The following LAMB4 variants were observed in gnomAD, a reference collection of about 807,000 sequenced individuals.
LAMB4 encodes laminin subunit beta 4.
In LAMB4, 196 loss-of-function variants were observed where a neutral mutation model predicts 199.2. That is an observed-to-expected ratio of 0.98 (90% CI 0.88 to 1.11). The LOEUF is 1.11. Among genes scored for constraint, LAMB4 ranks in the 50% least tolerant of loss-of-function variants. The pLI is 0.00. For synonymous variants in LAMB4, 744 were observed against 770.6 expected (o/e 0.97, Z 0.57); for missense variants, 2,080 against 2,171.2 (o/e 0.96, Z 0.83).
chr7:108,034,427 C>T, intron 30 of LAMB4, 81 bp from the exon 31 acceptor site: 1 of 1,047,338 alleles, frequency 9.5e-7, no homozygotes. Context: ...TCATTTGACT[C>T]AACCAAATAC....
intron 4 of LAMB4, 21 bp downstream of exon 4, chr7:108,111,790 G>T (rs1317822071): frequency 6.2e-7 from 1 of 1,603,628 alleles, no homozygotes; most frequent in Non-Finnish European, 8.5e-7. Context: ...ATAAACAACT[G>T]GAAAGGAACT....
chr7:108,032,595 C>A (rs1046698121), intron 31 of LAMB4, among the ~76,000 whole-genome samples: 2 of 151,948 alleles, frequency 1.3e-5, no homozygotes, highest in African/African-American at 4.8e-5. Context: ...AAATTCTAGC[C>A]CCAAAATTGT....
Position 108,066,637 on chromosome 7 carries a change from T to A in LAMB4, c.2447-37A>T, listed in dbSNP as rs937521887. On this transcript the variant is annotated intron_variant, in intron 19 of 33. Transcript: ENST00000388781. ...AAAGAGAAGTATGCTGGAGCGGGGA[T>A]GAGTGGTGTGTGGTGGTGAAAGAGT... The A allele has an allele frequency of 2.2e-6, 3 of 1,357,418 alleles. No homozygotes were observed. In the African/African-American group the frequency reaches 4.3e-5, roughly 20 times the overall value. 84.1% of individuals were successfully genotyped at this position (1,357,418 alleles called of 1,614,324 possible).
rs200857035 is a variant in LAMB4 at position 108,068,680 on chromosome 7, TTTTG to T, written c.2303-525_2303-522del. ...TCTGCCACCATACCCCTTACTAGTG[TTTTG>T]TTTGTTTGTTTGTTTGTTTGTTTTT... is the stretch of plus-strand genomic sequence containing the variant. On this transcript the variant is annotated intron_variant, in intron 18 of 33. Coordinates refer to ENST00000388781, the MANE Select transcript of LAMB4 (RefSeq NM_007356.3). 4.1e-3 allele frequency among the ~76,000 whole-genome samples: 614 copies of T among 151,360 alleles called. 2 individuals carry two copies. Among genetic ancestry groups the T allele is most frequent in the African/African-American group, 9.3e-3 (385 of 41,258 alleles).
At chr7:108,087,485 C>G (rs1473330036) in intron 14 of LAMB4, among the ~76,000 whole-genome samples, 1 of 152,190 alleles carries the variant, frequency 6.6e-6, no homozygotes, top group Non-Finnish European at 1.5e-5. Flanking sequence ...ATGAACTAAC[C>G]TAAAAACAAG....
rs1231443478 is a variant in LAMB4, at chr7:108,079,584, G to A, written c.1887+17C>T. On this transcript the variant is annotated intron_variant, in intron 15 of 33. Transcript: ENST00000388781. ...CTGTCAGCTTTTCACCACCAAAGTTGGAGAGTTAAAGGATACCTGGGTTTC... is the reference window on the plus strand; with the variant it reads ...CTGTCAGCTTTTCACCACCAAAGTTAGAGAGTTAAAGGATACCTGGGTTTC... 3.8e-6 allele frequency: 6 copies of A among 1,571,410 alleles called. No individual in the cohort carries two copies.
Position 108,057,852 on chromosome 7 carries a change from T to C in LAMB4, c.3359A>G (p.Asp1120Gly), listed in dbSNP as rs1043296791. ...CSECQENYYG[D>G]PPGRCIPCDC... Reference sequence around the variant, plus strand: ...CTTACGAATGCATCGCCCAGGTGGATCACCATAATAATTTTCCTGGCACTC... The same window carrying C: ...CTTACGAATGCATCGCCCAGGTGGACCACCATAATAATTTTCCTGGCACTC... The change falls in exon 24 of 34, where the codon GAT (aspartate) becomes GGT (glycine). Residue 1120 changes from aspartate (D) to glycine (G), a missense_variant. Asp to Gly is a moderately conservative substitution (Grantham distance 94). Coordinates refer to ENST00000388781, the MANE Select transcript of LAMB4 (RefSeq NM_007356.3). The C allele has an allele frequency of 1.2e-6, 2 of 1,612,528 alleles. No homozygotes were observed. Among genetic ancestry groups the C allele is most frequent in the Non-Finnish European group, 8.5e-7 (1 of 1,178,646 alleles).
chr7:108,077,164 G>T, intron 16 of LAMB4, 100 bp from the exon 17 acceptor site: 1 of 1,245,004 alleles, frequency 8.0e-7, no homozygotes, highest in Non-Finnish European at 1.1e-6. Flanking sequence ...GTACTGGGCA[G>T]TGACCTCCAC....
chr7:108,085,806 G>A (rs560052635), intron 14 of LAMB4, among the ~76,000 whole-genome samples: 1 of 151,952 alleles, frequency 6.6e-6, no homozygotes, highest in Non-Finnish European at 1.5e-5. Flanking sequence ...ATAGAGACGG[G>A]GTTTCACCTT....
chr7:108,112,499 G>C (rs1563104925), intron 3 of LAMB4, among the ~76,000 whole-genome samples: 7 of 151,540 alleles, frequency 4.6e-5, no homozygotes, highest in African/African-American at 7.3e-5. Flanking sequence ...CACCATGTTG[G>C]CAGGCTGGGT....
intron 8 of LAMB4, 60 bp from the exon 9 acceptor site, chr7:108,104,679 C>T: frequency 6.3e-7 from 1 of 1,578,942 alleles, no homozygotes; most frequent in South Asian, 1.2e-5. Context: ...CGTTGGGGTT[C>T]TTTAAATGGG....
At chr7:108,121,093 G>C (rs1161517704) in intron 2 of LAMB4, among the ~76,000 whole-genome samples, 1 of 152,170 alleles carries the variant, frequency 6.6e-6, no homozygotes, top group Non-Finnish European at 1.5e-5. Context: ...TTAGCAACGG[G>C]TTGGAATTAA....
At chr7:108,064,085 GAAT>G in intron 21 of LAMB4, 100 bp from the exon 22 acceptor site, 1 of 809,498 alleles carries the variant, frequency 1.2e-6, no homozygotes, top group South Asian at 1.5e-5. Context: ...GCTCCTCTAG[GAAT>G]AATGAGAAAT....
downstream of LAMB4, among the ~76,000 whole-genome samples, chr7:108,020,729 G>A (rs1239009297): frequency 2.6e-5 from 4 of 152,082 alleles, no homozygotes; most frequent in South Asian, 2.1e-4. Flanking sequence ...AATTATATCC[G>A]AATGACTCAC....
At position 108,049,375 on chromosome 7, in the gene LAMB4, T is replaced by C. The variant is rs759430193; in HGVS notation, c.4073A>G (p.Glu1358Gly). ...TLTSKGNLSLERLKQIKIPDI... is the reference protein window; with the variant it reads ...TLTSKGNLSLGRLKQIKIPDI... Reference sequence around the variant, plus strand: ...TGGTATCTTAATCTGCTTTAATCTTTCCAATGACAAGTTTCCTTTTGAGGT... The same window carrying C: ...TGGTATCTTAATCTGCTTTAATCTTCCCAATGACAAGTTTCCTTTTGAGGT... Residue 1358 changes from glutamate to glycine, a missense_variant, in exon 27 of 34, where the codon GAA (glutamate) becomes GGA (glycine). Glu to Gly is a moderately conservative substitution (Grantham distance 98). Coordinates refer to ENST00000388781, the MANE Select transcript of LAMB4 (RefSeq NM_007356.3). The C allele has an allele frequency of 1.3e-6, 2 of 1,589,444 alleles. No homozygotes were observed. The highest frequency in any genetic ancestry group is 4.5e-5 in the East Asian group (2 of 44,572).
chr7:108,055,995 T>C lies in LAMB4; in HGVS notation c.3392A>G (p.Asn1131Ser). 6.2e-7 allele frequency: 1 copy of C among 1,607,138 alleles called. No individual in the cohort carries two copies. Among genetic ancestry groups the C allele is most frequent in the East Asian group, 2.2e-5 (1 of 44,764 alleles). Residue 1131 changes from asparagine to serine, a missense_variant, in exon 25 of 34, where the codon AAC becomes AGC. By Grantham distance (46) the Asn-to-Ser change is conservative. Transcript: ENST00000388781. The stretch of plus-strand genomic sequence containing the variant: ...GATGGGCTTCTGGGTACCTGCCCTG[T>C]TACAATCACATGCTAAAAAGGAAAA... ...PPGRCIPCDC[N>S]RAGTQKPICD...
chr7:108,082,327 C>T (rs1428096270), intron 14 of LAMB4, among the ~76,000 whole-genome samples: 1 of 95,382 alleles, frequency 1.0e-5, no homozygotes, highest in African/African-American at 4.0e-5. Flanking sequence ...GAGACTCCGT[C>T]TTAAAAAAAA....
intron 8 of LAMB4, 42 bp from the exon 9 acceptor site, chr7:108,104,661 C>T: frequency 6.3e-7 from 1 of 1,599,388 alleles, no homozygotes; most frequent in Non-Finnish European, 8.5e-7. Flanking sequence ...AGGGCTTGTC[C>T]TTGGGGACGT....
Position 108,050,559 on chromosome 7 carries a change from A to G in LAMB4, c.3917-1028T>C, listed in dbSNP as rs534876174. Reference sequence around the variant, plus strand: ...ATTTTAATGTAAATTATAGTATATTAGGGGTTTAAACCATAACTCCATATT... The same window carrying G: ...ATTTTAATGTAAATTATAGTATATTGGGGGTTTAAACCATAACTCCATATT... On this transcript the variant is annotated intron_variant, in intron 26 of 33. Transcript: ENST00000388781. 8.5e-5 allele frequency among the ~76,000 whole-genome samples: 13 copies of G among 152,308 alleles called. No homozygotes were observed. In the South Asian group the frequency reaches 2.7e-3, roughly 32 times the overall value.
Sources: gnomAD v4.1 joint callset for allele counts (sites outside exome capture counted in the v4.1 genomes callset) on GRCh38, gnomAD v4.1.1 for gene constraint, MANE v1.5 for transcripts, NCBI Gene and HGNC (gene_info 2026-07-23, HGNC 2026-07-21) for gene names.